DGKB: variants seen among roughly 807,000 people sequenced by gnomAD.
DGKB encodes the protein diacylglycerol kinase beta.
DGKB carries 67 observed loss-of-function variants against 114.3 expected under a neutral mutation model. That is an observed-to-expected ratio of 0.59 (90% confidence interval 0.48 to 0.72). DGKB has a LOEUF of 0.72. DGKB is among the 30% of genes least tolerant of loss of function. The pLI is 0.00. For synonymous variants in DGKB, 398 were observed against 323.1 expected (o/e 1.23, Z -2.49); for missense variants, 907 against 975.2 (o/e 0.93, Z 0.93).
intron 1 of DGKB, among the ~76,000 whole-genome samples, chr7:14,963,087 C>A (rs1786954964): frequency 6.6e-6 from 1 of 152,042 alleles, no homozygotes; most frequent in African/African-American, 2.4e-5. Flanking sequence ...AGTTTTCAGG[C>A]TCTCCCCTCT....
intron 18 of DGKB, among the ~76,000 whole-genome samples, chr7:14,582,664 G>A (rs757424719): frequency 6.6e-6 from 1 of 152,036 alleles, no homozygotes; most frequent in Non-Finnish European, 1.5e-5. Flanking sequence ...GTATACAGAG[G>A]GTAAGGTTTT....
intron 21 of DGKB, among the ~76,000 whole-genome samples, chr7:14,365,154 A>G (rs1816451788): frequency 6.6e-6 from 1 of 151,698 alleles, no homozygotes; most frequent in Non-Finnish European, 1.5e-5. Context: ...TTGTCCTTAT[A>G]AGTACTTGAT....
rs528196789 is a variant in DGKB at position 14,641,523 on chromosome 7, C to A, written c.1135-11255G>T. ...AAAAAAAAAAAAGGCTGTGCCTAGG[C>A]AAAAATTAAACCCTGAATTCATGTT... On this transcript the variant is annotated intron_variant, in intron 13 of 25. Coordinates refer to ENST00000402815, the MANE Select transcript of DGKB (RefSeq NM_001350709.2). 4.0e-5 allele frequency among the ~76,000 whole-genome samples: 6 copies of A among 150,008 alleles called. No homozygotes were observed. In the South Asian group the frequency reaches 1.3e-3, roughly 31 times the overall value.
intron 21 of DGKB, 35 bp from the exon 22 acceptor site, chr7:14,345,426 T>G (rs2128592432): frequency 1.8e-6 from 2 of 1,117,436 alleles, no homozygotes; most frequent in Admixed American, 2.1e-5. Context: ...CTTAGGCAAT[T>G]ATCAATAACA....
At chr7:14,737,765 T>G (rs1831952573) in intron 4 of DGKB, among the ~76,000 whole-genome samples, 1 of 152,140 alleles carries the variant, frequency 6.6e-6, no homozygotes. Flanking sequence ...CTTCATTTTC[T>G]TCTATATTTC....
At chr7:14,814,200 T>G (rs1843790598) in intron 2 of DGKB, 1 of 152,138 alleles carries the variant, frequency 6.6e-6, no homozygotes, top group African/African-American at 2.4e-5. Flanking sequence ...TTCAGAGAGC[T>G]TCCAGAAAAA....
intron 20 of DGKB, among the ~76,000 whole-genome samples, chr7:14,554,335 A>T (rs2128651479): frequency 6.6e-6 from 1 of 152,344 alleles, no homozygotes; most frequent in Non-Finnish European, 1.5e-5. Flanking sequence ...TCACAAAAGT[A>T]GGATATGAGA....
At chr7:14,432,142 A>G (rs1477275009) in intron 21 of DGKB, among the ~76,000 whole-genome samples, 2 of 152,168 alleles carry the variant, frequency 1.3e-5, no homozygotes, top group Non-Finnish European at 2.9e-5. Context: ...CTGATTTACA[A>G]AATCTTCTGC....
At chr7:14,910,339 AAAAACAAAAC>A (rs145982113) in intron 1 of DGKB, among the ~76,000 whole-genome samples, 9 of 151,698 alleles carry the variant, frequency 5.9e-5, no homozygotes, top group East Asian at 1.9e-4. Flanking sequence ...GGAGAAGGCA[AAAAACAAAAC>A]AAAACAAAAC....
At chr7:14,804,070 G>GGTGTGT (rs34964846) in intron 2 of DGKB, among the ~76,000 whole-genome samples, 10,902 of 146,540 alleles carry the variant, frequency 0.074, 532 homozygotes, top group African/African-American at 0.13. Flanking sequence ...TCACTTTTTG[G>GGTGTGT]GTGTGTGTGT....
intron 1 of DGKB, among the ~76,000 whole-genome samples, chr7:14,861,536 C>T (rs544237498): frequency 3.3e-5 from 5 of 151,958 alleles, no homozygotes; most frequent in African/African-American, 9.6e-5. Flanking sequence ...AAGTACCCTC[C>T]CTTGTACCTG....
intron 23 of DGKB, among the ~76,000 whole-genome samples, chr7:14,239,048 C>T (rs1259148722): frequency 6.6e-6 from 1 of 151,950 alleles, no homozygotes; most frequent in East Asian, 1.9e-4. Context: ...TTTGTAACTG[C>T]TTTTGCTGTT....
chr7:14,944,230 C>T (rs1429489313), intron 1 of DGKB, among the ~76,000 whole-genome samples: 1 of 151,824 alleles, frequency 6.6e-6, no homozygotes, highest in Non-Finnish European at 1.5e-5. Flanking sequence ...AACCAGCTCA[C>T]TTTTGATCAT....
intron 20 of DGKB, among the ~76,000 whole-genome samples, chr7:14,523,600 C>A (rs1435054842): frequency 6.6e-6 from 1 of 151,946 alleles, no homozygotes; most frequent in Admixed American, 6.6e-5. Context: ...GTAACATAAT[C>A]TGAATAATAT....
At chr7:14,819,441 T>C (rs767941422) in intron 2 of DGKB, among the ~76,000 whole-genome samples, 6 of 152,044 alleles carry the variant, frequency 3.9e-5, no homozygotes, top group East Asian at 3.9e-4. Context: ...CAAAAAAACA[T>C]TGGCCAGTCA....
chr7:14,376,292 A>C (rs1818472856), intron 21 of DGKB, among the ~76,000 whole-genome samples: 1 of 152,204 alleles, frequency 6.6e-6, no homozygotes, highest in African/African-American at 2.4e-5. Flanking sequence ...TGCTGTGATA[A>C]TCTACCCTGG....
intron 5 of DGKB, among the ~76,000 whole-genome samples, chr7:14,726,171 A>G (rs1490464987): frequency 7.3e-5 from 11 of 151,448 alleles, no homozygotes; most frequent in Admixed American, 7.2e-4. Flanking sequence ...ATGGAGTCTC[A>G]CTCTGTCGCC....
At chr7:14,789,926 C>T (rs1451033445) in intron 2 of DGKB, among the ~76,000 whole-genome samples, 1 of 152,136 alleles carries the variant, frequency 6.6e-6, no homozygotes, top group Non-Finnish European at 1.5e-5. Context: ...ATGACTGATA[C>T]AGTGTCTCCA....
At chr7:14,857,286 C>T (rs1384535786) in intron 1 of DGKB, among the ~76,000 whole-genome samples, 1 of 15,866 alleles carries the variant, frequency 6.3e-5, no homozygotes. Context: ...GTGTTGCTGG[C>T]ACTGAAGGAG....
Sources: allele counts gnomAD v4.1 joint callset (sites outside exome capture counted in the v4.1 genomes callset), GRCh38; gene constraint gnomAD v4.1.1; transcripts MANE v1.5; gene names NCBI Gene and HGNC (gene_info 2026-07-23, HGNC 2026-07-21).